Variants in CEP128 observed in about 807,000 individuals in gnomAD.
CEP128 encodes centrosomal protein 128, also known as centrosomal protein 128kDa.
In CEP128, 132 loss-of-function variants were observed where a neutral mutation model predicts 156.7. That is an observed-to-expected ratio of 0.84 (90% CI 0.73 to 0.97). The LOEUF is 0.97. Ranked by LOEUF, CEP128 falls within the 50% of genes least tolerant of loss-of-function variation. The pLI, the probability that CEP128 is intolerant of heterozygous loss-of-function variation, is 0.00. For synonymous variants in CEP128, 469 were observed against 448.9 expected, an observed-to-expected ratio of 1.04 and a Z score of -0.57; for missense variants, 1,252 against 1,281.9, an observed-to-expected ratio of 0.98 and a Z score of 0.36.
chr14:80,859,216 C>T (rs986087996), intron 9 of CEP128, among the ~76,000 whole-genome samples: 1 of 150,002 alleles, frequency 6.7e-6, no homozygotes, highest in African/African-American at 2.5e-5. Context: ...ACTATGCAGC[C>T]ATAAAAAAGG....
intron 19 of CEP128, among the ~76,000 whole-genome samples, chr14:80,686,202 G>A (rs541622233): frequency 2.3e-4 from 35 of 152,012 alleles, no homozygotes; most frequent in African/African-American, 4.3e-4. Context: ...CTATGCATCC[G>A]ACAAAAGTAT....
At chr14:80,721,250 C>G (rs536379620) in intron 19 of CEP128, among the ~76,000 whole-genome samples, 1 of 152,216 alleles carries the variant, frequency 6.6e-6, no homozygotes, top group Admixed American at 6.5e-5. Flanking sequence ...TCATCTTGGA[C>G]TTCCCAAAGA....
rs367860982 is a variant in CEP128, at chr14:80,799,300, T to C, written c.1210-6190A>G. On this transcript the variant is annotated intron_variant, in intron 13 of 24. Coordinates refer to ENST00000555265, the MANE Select transcript of CEP128 (RefSeq NM_152446.5). The stretch of plus-strand genomic sequence containing the variant: ...CAAATAGTACTTTAATAATTTCTTA[T>C]GCCTGTCTTTACTTTAATCTCTTAA... Among the ~76,000 whole-genome samples the C allele has an allele frequency of 3.3e-5, 5 of 152,378 alleles. No individual in the cohort carries two copies. In the East Asian group the frequency reaches 5.8e-4, roughly 18 times the overall value.
chr14:80,893,329 G>A (rs1184917112), intron 8 of CEP128, among the ~76,000 whole-genome samples: 1 of 151,858 alleles, frequency 6.6e-6, no homozygotes, highest in Non-Finnish European at 1.5e-5. Context: ...CAGGGACAGA[G>A]AGGGTAGAGG....
intron 19 of CEP128, among the ~76,000 whole-genome samples, chr14:80,657,524 G>A (rs527793107): frequency 4.6e-5 from 7 of 152,016 alleles, no homozygotes; most frequent in Admixed American, 1.3e-4. Flanking sequence ...GGTGGTGCGC[G>A]CCTGTAATCC....
At chr14:80,921,175 TC>T (rs1884837965) in intron 2 of CEP128, among the ~76,000 whole-genome samples, 1 of 152,184 alleles carries the variant, frequency 6.6e-6, no homozygotes, top group Admixed American at 6.5e-5. Flanking sequence ...AATTACCAGT[TC>T]TATGGTTTGA....
At chr14:80,849,367 G>A (rs916054933) in intron 9 of CEP128, among the ~76,000 whole-genome samples, 1 of 152,092 alleles carries the variant, frequency 6.6e-6, no homozygotes, top group Non-Finnish European at 1.5e-5. Context: ...ACACTTTGTG[G>A]CTTTGAATCA....
At chr14:80,832,795 A>C (rs774285826) in intron 12 of CEP128, among the ~76,000 whole-genome samples, 2 of 152,230 alleles carry the variant, frequency 1.3e-5, no homozygotes, top group African/African-American at 4.8e-5. Context: ...TAGCTAATAC[A>C]TCTCATATGT....
At chr14:80,946,284 T>C (rs1001258501), upstream of CEP128, among the ~76,000 whole-genome samples, 2 of 143,302 alleles carry the variant, frequency 1.4e-5, no homozygotes, top group Non-Finnish European at 3.0e-5. Context: ...TCTAGACACT[T>C]AGAACAAAGA....
chr14:80,760,046 G>C (rs1261665973), intron 17 of CEP128, among the ~76,000 whole-genome samples: 2 of 151,492 alleles, frequency 1.3e-5, no homozygotes, highest in African/African-American at 2.4e-5. Context: ...ATATTGCATT[G>C]CTAATATATA....
rs1886166595 is a variant in CEP128, at chr14:80,941,662, A to T, written c.-253T>A. 1 of 152,862 alleles carries T rather than the reference A, an allele frequency of 6.5e-6. No homozygotes were observed. The highest frequency in any genetic ancestry group is 2.4e-5 in the African/African-American group (1 of 41,460). 9.5% of individuals were successfully genotyped at this position (152,862 alleles called of 1,614,324 possible). A position where few individuals can be genotyped will look rare whatever the true frequency, so the allele number is the denominator to read the frequency against. On this transcript the variant is annotated 5_prime_UTR_variant, in exon 1 of 25. Coordinates refer to ENST00000555265, the MANE Select transcript of CEP128 (RefSeq NM_152446.5). ...CGGCTCCCGCGGCTACCAGTGACCC[A>T]GAAGGTGCAACTGACCAAACGCAGC...
In CEP128 at chr14:80,623,619, CA is replaced by C. The variant is rs946576347; in HGVS notation, c.2807-43197del. The stretch of plus-strand genomic sequence containing the variant: ...ATATATATTTGCCAATGTCATAAAA[CA>C]AAAAAAAAGGAAATAGGTCCAATTA... On this transcript the variant is annotated intron_variant, in intron 19 of 24. Coordinates refer to ENST00000555265, the MANE Select transcript of CEP128 (RefSeq NM_152446.5). Among the ~76,000 whole-genome samples the C allele has an allele frequency of 9.5e-5, 14 of 147,466 alleles. 1 individual carries two copies. Among genetic ancestry groups the C allele is most frequent in the South Asian group, 4.3e-4 (2 of 4,660 alleles).
chr14:80,822,942 G>A (rs1885269901), intron 13 of CEP128: 3 of 461,990 alleles, frequency 6.5e-6, no homozygotes, highest in Non-Finnish European at 1.2e-5. Context: ...TGTTGTTTTT[G>A]GGGGAAGGGG....
intron 21 of CEP128, among the ~76,000 whole-genome samples, chr14:80,535,438 A>G (rs1209600277): frequency 1.3e-5 from 2 of 152,234 alleles, no homozygotes; most frequent in Non-Finnish European, 2.9e-5. Flanking sequence ...CCCTCTAGCT[A>G]TCAACTCTTA....
In CEP128 at chr14:80,681,372, G is replaced by A. The variant is rs1459497394; in HGVS notation, c.2806+61703C>T. On this transcript the variant is annotated intron_variant, in intron 19 of 24. Coordinates refer to ENST00000555265, the MANE Select transcript of CEP128 (RefSeq NM_152446.5). ...TCTGAATGTAGCGACACCACCAATA[G>A]ATCACATTAGCTCTCCAGCAATGGT... Among the ~76,000 whole-genome samples the A allele has an allele frequency of 2.6e-5, 4 of 152,152 alleles. No individual in the cohort carries two copies. The East Asian group carries it at 7.7e-4, about 29-fold the overall frequency.
At chr14:80,946,910 G>C (rs558654976) in intron 2 of CEP128, among the ~76,000 whole-genome samples, 9 of 152,200 alleles carry the variant, frequency 5.9e-5, no homozygotes, top group African/African-American at 2.2e-4. Context: ...CCCCCTTGCT[G>C]TTCTCATAAT....
At chr14:80,488,662 T>C (rs112583998), downstream of CEP128, among the ~76,000 whole-genome samples, 118 of 152,072 alleles carry the variant, frequency 7.8e-4, no homozygotes, top group Non-Finnish European at 1.3e-3. Context: ...ATAAACCATG[T>C]TGCTATAAAG....
chr14:80,498,878 A>C (rs1687439900), intron 24 of CEP128, among the ~76,000 whole-genome samples: 1 of 152,184 alleles, frequency 6.6e-6, no homozygotes, highest in South Asian at 2.1e-4. Flanking sequence ...TAGGTGAGGG[A>C]TTTTAAGATG....
At chr14:80,636,270 A>T (rs184121772) in intron 19 of CEP128, among the ~76,000 whole-genome samples, 2 of 152,292 alleles carry the variant, frequency 1.3e-5, no homozygotes, top group East Asian at 3.9e-4. Context: ...AAAACTTATA[A>T]ATAAGTGAGA....
Sources: gnomAD v4.1 joint callset for allele counts (sites outside exome capture counted in the v4.1 genomes callset) on GRCh38, gnomAD v4.1.1 for gene constraint, MANE v1.5 for transcripts, NCBI Gene and HGNC (gene_info 2026-07-23, HGNC 2026-07-21) for gene names.